MTBP: variants seen among roughly 807,000 people sequenced by gnomAD.
MTBP encodes MDM2 binding protein, also known as mdm2-binding protein.
In MTBP, 101 loss-of-function variants were observed where a neutral mutation model predicts 117.0. The ratio of observed to expected loss-of-function variants is 0.86; its 90% confidence interval spans 0.73 to 1.02. The LOEUF (loss-of-function observed/expected upper bound fraction) is 1.02. Ranked by LOEUF, MTBP falls within the 50% of genes least tolerant of loss-of-function variation. The pLI is 0.00. For missense variants in MTBP, 970 were observed against 1,030.9 expected (o/e 0.94, Z 0.81); for synonymous variants, 350 against 351.5 (o/e 1.00, Z 0.05).
At chr8:120,490,326 T>C in intron 12 of MTBP, 137 bp from the exon 13 acceptor site, 1 of 587,412 alleles carries the variant, frequency 1.7e-6, no homozygotes, top group East Asian at 3.2e-5. Context: ...CTTTGAAATA[T>C]GTAAGGTCGA....
At chr8:120,522,292 A>T (rs13282160) in intron 20 of MTBP, among the ~76,000 whole-genome samples, 3 of 16,296 alleles carry the variant, frequency 1.8e-4, no homozygotes, top group East Asian at 2.6e-3. Context: ...ACGGTGGAGG[A>T]TGGGAGAGTA....
intron 10 of MTBP, among the ~76,000 whole-genome samples, chr8:120,467,771 T>C (rs1370488834): frequency 2.0e-5 from 3 of 152,226 alleles, no homozygotes; most frequent in Admixed American, 6.5e-5. Context: ...GAATGCATTA[T>C]AAACAACTGA....
At position 120,506,819 on chromosome 8, in the gene MTBP, G is replaced by A. The variant is rs766909872; in HGVS notation, c.1841G>A (p.Gly614Glu). The change falls in exon 16 of 22, where the codon GGA becomes GAA. Residue 614 changes from glycine (G) to glutamate (E), a missense_variant. Coordinates refer to ENST00000305949, the MANE Select transcript of MTBP (RefSeq NM_022045.5). Reference protein sequence around the residue: ...KELLKYFTSDGLPIGDLQPLP... With the variant: ...KELLKYFTSDELPIGDLQPLP... ...TTGCTGAAGTACTTTACCTCAGATG[G>A]ATTACCCATTGGAGATCTTCAACCT... The A allele has an allele frequency of 2.5e-6, 4 of 1,613,380 alleles. No individual in the cohort carries two copies. Among genetic ancestry groups the A allele is most frequent in the Non-Finnish European group, 3.4e-6 (4 of 1,179,604 alleles).
Position 120,502,489 on chromosome 8 carries a change from T to C in MTBP, c.1610-3T>C, listed in dbSNP as rs770943350. On this transcript the variant is annotated splice_region_variant and splice_polypyrimidine_tract_variant and intron_variant, in intron 14 of 21. Transcript: ENST00000305949. ...AGACTTATGTGTATTTCTTTCACTT[T>C]AGATTTTAGTCCAGTGGAACCTAAT... is the stretch of plus-strand genomic sequence containing the variant. The C allele has an allele frequency of 1.9e-6, 3 of 1,561,638 alleles. No individual in the cohort carries two copies. The highest frequency in any genetic ancestry group is 2.6e-6 in the Non-Finnish European group (3 of 1,150,990).
chr8:120,518,886 A>G, intron 20 of MTBP, 69 bp downstream of exon 20: 3 of 1,097,932 alleles, frequency 2.7e-6, no homozygotes, highest in Non-Finnish European at 4.0e-6. Flanking sequence ...ACATAAAAAA[A>G]AGTTTGAGTA....
At chr8:120,480,349 G>A (rs1453549239) in intron 11 of MTBP, among the ~76,000 whole-genome samples, 2 of 152,142 alleles carry the variant, frequency 1.3e-5, no homozygotes, top group Non-Finnish European at 2.9e-5. Flanking sequence ...GGCAGAGGTT[G>A]CAGTGAGCCG....
intron 11 of MTBP, among the ~76,000 whole-genome samples, chr8:120,482,669 C>G (rs970285183): frequency 1.3e-5 from 2 of 151,552 alleles, no homozygotes; most frequent in African/African-American, 4.8e-5. Flanking sequence ...AGTTATACAC[C>G]TATTCAACAG....
Position 120,451,249 on chromosome 8 carries a change from GA to G in MTBP, c.354del (p.Glu119AsnfsTer48), listed in dbSNP as rs772959980. On this transcript the variant is annotated frameshift_variant, in exon 4 of 22. Transcript: ENST00000305949. LOFTEE classifies it high-confidence loss of function. ...TGAAGATGTTCTTCAAACGAATATC[GA>G]AGAATGTTTGGGTGCTGTTGAGTGT... ...KIEDVLQTNI[E>X]ECLGAVECFE... 5.6e-6 allele frequency: 9 copies of G among 1,612,288 alleles called. No individual in the cohort carries two copies. Among genetic ancestry groups the G allele is most frequent in the Non-Finnish European group, 7.6e-6 (9 of 1,178,826 alleles).
intron 12 of MTBP, 101 bp downstream of exon 12, chr8:120,488,433 T>TG (rs778707620): frequency 1.2e-4 from 105 of 862,180 alleles, no homozygotes; most frequent in Non-Finnish European, 1.6e-4. Context: ...TTTAATGAAT[T>TG]TATTTTCGCC....
At chr8:120,469,080 C>G (rs1245926647) in intron 10 of MTBP, among the ~76,000 whole-genome samples, 1 of 152,118 alleles carries the variant, frequency 6.6e-6, no homozygotes, top group Non-Finnish European at 1.5e-5. Context: ...GAGTCTCACT[C>G]TGTTGCCCAG....
intron 12 of MTBP, among the ~76,000 whole-genome samples, chr8:120,489,889 C>T (rs1429965623): frequency 6.6e-6 from 1 of 152,110 alleles, no homozygotes; most frequent in African/African-American, 2.4e-5. Flanking sequence ...GAAGGACATC[C>T]TGCTTTTAGG....
At chr8:120,522,603 C>A in intron 20 of MTBP, 51 bp from the exon 21 acceptor site, 1 of 1,205,892 alleles carries the variant, frequency 8.3e-7, no homozygotes, top group Non-Finnish European at 1.2e-6. Context: ...ATGAGTTGTT[C>A]TTTGTAATTT....
At chr8:120,509,067 T>C (rs1483277843) in intron 16 of MTBP, among the ~76,000 whole-genome samples, 1 of 152,178 alleles carries the variant, frequency 6.6e-6, no homozygotes, top group African/African-American at 2.4e-5. Flanking sequence ...GAAAAAGAAC[T>C]GAACTCAGCA....
In MTBP at chr8:120,445,424, T is replaced by C. The variant is rs560376848; in HGVS notation, c.-47T>C. ...AAATGCGTCATAGCGCGCGTCTGTT[T>C]GGATGTGGAAGCCGAGACCTAAAGT... On this transcript the variant is annotated 5_prime_UTR_variant, in exon 1 of 22. Transcript: ENST00000305949. 2 of 1,521,182 alleles carry C rather than the reference T, an allele frequency of 1.3e-6. No homozygotes were observed. Among genetic ancestry groups the C allele is most frequent in the African/African-American group, 1.4e-5 (1 of 72,936 alleles). The allele number at this position is 1,521,182 out of a possible 1,614,324, so 94.2% of individuals were successfully genotyped here.
chr8:120,521,385 C>T (rs1000364673), intron 20 of MTBP, among the ~76,000 whole-genome samples: 32 of 152,254 alleles, frequency 2.1e-4, no homozygotes, highest in African/African-American at 7.2e-4. Context: ...AGTGTAAACA[C>T]TGCCTATTTA....
intron 8 of MTBP, among the ~76,000 whole-genome samples, chr8:120,460,261 T>C (rs1813555782): frequency 6.6e-6 from 1 of 152,166 alleles, no homozygotes; most frequent in African/African-American, 2.4e-5. Context: ...GACCTCAACT[T>C]TTCTTCAAGT....
At chr8:120,501,107 C>T (rs1360457920) in intron 14 of MTBP, among the ~76,000 whole-genome samples, 12 of 145,018 alleles carry the variant, frequency 8.3e-5, no homozygotes, top group Middle Eastern at 7.5e-3. Context: ...AGGAGAATGG[C>T]GTGAACCTGG....
chr8:120,467,076 A>G (rs778751516), intron 10 of MTBP, among the ~76,000 whole-genome samples: 6 of 152,194 alleles, frequency 3.9e-5, no homozygotes, highest in African/African-American at 7.2e-5. Flanking sequence ...GCTTAAACAA[A>G]TTATTTATCT....
intron 2 of MTBP, among the ~76,000 whole-genome samples, chr8:120,448,208 AGAT>A (rs1813267105): frequency 6.6e-6 from 1 of 152,188 alleles, no homozygotes; most frequent in African/African-American, 2.4e-5. Flanking sequence ...CCGGGATTAC[AGAT>A]GTGAGCCACT....
Sources: gnomAD v4.1 joint callset for allele counts (sites outside exome capture counted in the v4.1 genomes callset) on GRCh38, gnomAD v4.1.1 for gene constraint, MANE v1.5 for transcripts, NCBI Gene and HGNC (gene_info 2026-07-23, HGNC 2026-07-21) for gene names.